The following ST6GAL1 variants were observed in gnomAD, a reference collection of about 807,000 sequenced individuals.
The protein encoded by ST6GAL1 is ST6 beta-galactoside alpha-2,6-sialyltransferase 1.
Under a neutral mutation model 38.0 loss-of-function variants are expected in ST6GAL1, and 20 were observed. The ratio of observed to expected loss-of-function variants is 0.53; its 90% confidence interval spans 0.37 to 0.77. The LOEUF (loss-of-function observed/expected upper bound fraction) is 0.77. Among genes scored for constraint, ST6GAL1 ranks in the 30% least tolerant of loss-of-function variants. The pLI, the probability that ST6GAL1 is intolerant of heterozygous loss-of-function variation, is 0.00. For missense variants in ST6GAL1, 432 were observed against 496.4 expected (o/e 0.87, Z 1.23); for synonymous variants, 196 against 188.2 (o/e 1.04, Z -0.34).
chr3:187,066,879 A>C (rs1320137282), intron 5 of ST6GAL1, among the ~76,000 whole-genome samples: 1 of 151,976 alleles, frequency 6.6e-6, no homozygotes, highest in African/African-American at 2.4e-5. Context: ...GGCGTTTGAG[A>C]ACAGCTTTAT....
intron 5 of ST6GAL1, among the ~76,000 whole-genome samples, chr3:187,052,177 T>G (rs1377646095): frequency 6.6e-6 from 1 of 152,156 alleles, no homozygotes; most frequent in Non-Finnish European, 1.5e-5. Context: ...TTTCCTTCTC[T>G]ACTAGGGCTC....
intron 2 of ST6GAL1, among the ~76,000 whole-genome samples, chr3:187,008,854 T>C (rs1408905329): frequency 6.6e-6 from 1 of 152,086 alleles, no homozygotes; most frequent in Non-Finnish European, 1.5e-5. Context: ...TCTTTTTTGG[T>C]TTTTCTCTCT....
At chr3:186,953,905 G>C (rs150937646) in intron 1 of ST6GAL1, among the ~76,000 whole-genome samples, 4 of 151,742 alleles carry the variant, frequency 2.6e-5, no homozygotes, top group African/African-American at 9.7e-5. Flanking sequence ...GTGCCATGGT[G>C]GTTTGCTGCC....
At chr3:187,074,692 T>C (rs1222971924) in intron 7 of ST6GAL1, among the ~76,000 whole-genome samples, 2 of 151,878 alleles carry the variant, frequency 1.3e-5, no homozygotes, top group Non-Finnish European at 2.9e-5. Context: ...GGGGAGAATT[T>C]GGCAGAGGAA....
intron 2 of ST6GAL1, among the ~76,000 whole-genome samples, chr3:186,998,989 G>A (rs893296909): frequency 5.6e-4 from 85 of 152,384 alleles, no homozygotes; most frequent in Non-Finnish European, 1.3e-4. Flanking sequence ...GAAAGCAACA[G>A]AACTGGATCC....
intron 2 of ST6GAL1, among the ~76,000 whole-genome samples, chr3:186,974,275 T>G (rs1715448976): frequency 6.6e-6 from 1 of 152,128 alleles, no homozygotes; most frequent in Non-Finnish European, 1.5e-5. Context: ...ATTACCCATA[T>G]CCAACCATCC....
chr3:186,949,509 A>G (rs575282802), intron 1 of ST6GAL1, among the ~76,000 whole-genome samples: 1 of 152,200 alleles, frequency 6.6e-6, no homozygotes, highest in East Asian at 1.9e-4. Flanking sequence ...CTGGGCTGCA[A>G]ATTTGGATGA....
In ST6GAL1 at chr3:187,042,821, T is replaced by A; in HGVS notation, c.118T>A (p.Leu40Met). The A allele has an allele frequency of 6.2e-7, 1 of 1,614,176 alleles. No individual in the cohort carries two copies. The highest frequency in any genetic ancestry group is 8.5e-7 in the Non-Finnish European group (1 of 1,180,024). ...AGGGAGTTACTATGATTCCTTTAAA[T>A]TGCAAACCAAGGAATTCCAGGTGTT... ...KKGSYYDSFK[L>M]QTKEFQVLKS... The change falls in exon 4 of 8, where the codon TTG (leucine) becomes ATG (methionine). Residue 40 changes from leucine (L) to methionine (M), a missense_variant. Coordinates refer to ENST00000169298, the MANE Select transcript of ST6GAL1 (RefSeq NM_173216.2).
At chr3:186,989,155 AG>A in intron 2 of ST6GAL1, among the ~76,000 whole-genome samples, 1 of 152,210 alleles carries the variant, frequency 6.6e-6, no homozygotes, top group East Asian at 1.9e-4. Context: ...ATAGGCCCAG[AG>A]GACAATAAAC....
intron 2 of ST6GAL1, among the ~76,000 whole-genome samples, chr3:187,018,110 C>CCTGGTGAGTGCTGAGATGGAGAGGCAGG (rs1717176730): frequency 6.6e-6 from 1 of 152,126 alleles, no homozygotes; most frequent in Non-Finnish European, 1.5e-5. Context: ...TCTGCCTTTG[C>CCTGGTGAGTGCTGAGATGGAGAGGCAGG]CTGGTGAGTG....
intron 2 of ST6GAL1, among the ~76,000 whole-genome samples, chr3:187,017,556 C>T (rs1453587941): frequency 6.6e-6 from 1 of 152,184 alleles, no homozygotes; most frequent in Non-Finnish European, 1.5e-5. Context: ...TTTTCTCCTC[C>T]ATGTTCCCTT....
At chr3:186,997,852 C>T (rs140340554) in intron 2 of ST6GAL1, among the ~76,000 whole-genome samples, 2 of 151,888 alleles carry the variant, frequency 1.3e-5, no homozygotes, top group Non-Finnish European at 2.9e-5. Context: ...TAACATTGTG[C>T]AGAACTGTGT....
At chr3:187,026,863 G>A (rs1181574309) in intron 2 of ST6GAL1, among the ~76,000 whole-genome samples, 2 of 152,064 alleles carry the variant, frequency 1.3e-5, no homozygotes, top group East Asian at 1.9e-4. Context: ...GGCTAACACG[G>A]TGAAACCCCA....
chr3:187,064,228 A>G (rs866711469), intron 5 of ST6GAL1, among the ~76,000 whole-genome samples: 2 of 152,228 alleles, frequency 1.3e-5, no homozygotes, highest in African/African-American at 4.8e-5. Context: ...TACTCGTATG[A>G]TGGAACCAGG....
intron 2 of ST6GAL1, among the ~76,000 whole-genome samples, chr3:187,009,941 G>T (rs1295232839): frequency 6.6e-6 from 1 of 152,066 alleles, no homozygotes; most frequent in Non-Finnish European, 1.5e-5. Flanking sequence ...GGAGTCGGAG[G>T]TTGCGGTGAG....
At chr3:187,048,734 G>T (rs1216427368) in intron 4 of ST6GAL1, among the ~76,000 whole-genome samples, 1 of 152,058 alleles carries the variant, frequency 6.6e-6, no homozygotes, top group Non-Finnish European at 1.5e-5. Context: ...ATCAGTATTT[G>T]TTGACTGAAC....
At chr3:186,956,564 T>C (rs1158885739) in intron 1 of ST6GAL1, among the ~76,000 whole-genome samples, 1 of 152,224 alleles carries the variant, frequency 6.6e-6, no homozygotes, top group African/African-American at 2.4e-5. Context: ...CTCCCAGCAC[T>C]TTTTCTGCTT....
intron 2 of ST6GAL1, chr3:187,024,680 C>G (rs530183739): frequency 6.6e-6 from 1 of 152,034 alleles, no homozygotes; most frequent in African/African-American, 2.4e-5. Context: ...GTGAGCCAGG[C>G]TCAGAACATA....
chr3:187,001,222 G>A (rs1716606153), intron 2 of ST6GAL1, among the ~76,000 whole-genome samples: 1 of 152,204 alleles, frequency 6.6e-6, no homozygotes, highest in African/African-American at 2.4e-5. Flanking sequence ...TCCACAGCCC[G>A]AGGAAAGGGA....
Sources: allele counts gnomAD v4.1 joint callset (sites outside exome capture counted in the v4.1 genomes callset), GRCh38; gene constraint gnomAD v4.1.1; transcripts MANE v1.5; gene names NCBI Gene and HGNC (gene_info 2026-07-23, HGNC 2026-07-21).